Variants in LINGO2 observed in about 807,000 individuals in gnomAD.
LINGO2 encodes leucine rich repeat and Ig domain containing 2.
In LINGO2, 14 loss-of-function variants were observed where a neutral mutation model predicts 30.6. The ratio of observed to expected loss-of-function variants is 0.46; its 90% CI spans 0.30 to 0.72. The LOEUF is 0.72. Ranked by LOEUF, LINGO2 falls within the 30% of genes least tolerant of loss-of-function variation. The probability of loss-of-function intolerance (pLI) is 0.07; values close to 1 mark genes in which losing one functional copy is unlikely to be tolerated. For synonymous variants in LINGO2, 317 were observed against 288.5 expected (o/e 1.10, Z -1.00); for missense variants, 729 against 751.7 (o/e 0.97, Z 0.35).
intron 1 of LINGO2, among the ~76,000 whole-genome samples, chr9:28,482,634 TC>T (rs1826020050): frequency 6.6e-6 from 1 of 152,144 alleles, no homozygotes; most frequent in Admixed American, 6.6e-5. Context: ...TTTAATTAGA[TC>T]CCATTTATCA....
chr9:29,150,828 T>C, the LINGO2 span, among the ~76,000 whole-genome samples: 2 of 152,060 alleles, frequency 1.3e-5, no homozygotes, highest in Non-Finnish European at 2.9e-5. Context: ...GGCACATATA[T>C]GTAAGAATGT....
chr9:28,050,502 TA>T (rs1281554613), intron 4 of LINGO2, among the ~76,000 whole-genome samples: 1 of 150,952 alleles, frequency 6.6e-6, no homozygotes, highest in East Asian at 2.0e-4. Context: ...AGTTCAATGT[TA>T]AAATACTACA....
intron 4 of LINGO2, among the ~76,000 whole-genome samples, chr9:28,201,763 C>G (rs1017998567): frequency 2.6e-5 from 4 of 151,914 alleles, no homozygotes; most frequent in African/African-American, 9.7e-5. Context: ...TCCTTTCCCC[C>G]CACATCCTTT....
At chr9:28,068,037 T>G (rs540220283) in intron 4 of LINGO2, among the ~76,000 whole-genome samples, 1 of 152,238 alleles carries the variant, frequency 6.6e-6, no homozygotes, top group South Asian at 2.1e-4. Context: ...GGGGCATCAA[T>G]TAGTTCTCTG....
chr9:29,185,903 C>A, the LINGO2 span, among the ~76,000 whole-genome samples: 5 of 152,106 alleles, frequency 3.3e-5, no homozygotes, highest in Non-Finnish European at 7.4e-5. Context: ...CCAAAAAAGA[C>A]CACTAGATTA....
At chr9:28,238,756 C>A (rs1238395346) in intron 4 of LINGO2, among the ~76,000 whole-genome samples, 1 of 151,232 alleles carries the variant, frequency 6.6e-6, no homozygotes, top group Non-Finnish European at 1.5e-5. Flanking sequence ...AAGAGCAAAC[C>A]AAATCCAAAA....
At chr9:28,857,201 C>A in the LINGO2 span, among the ~76,000 whole-genome samples, 47 of 151,930 alleles carry the variant, frequency 3.1e-4, no homozygotes, top group South Asian at 8.1e-3. Context: ...AGAATTGAAG[C>A]CCTTGGAACA....
At chr9:28,463,674 A>C (rs1230614708) in intron 2 of LINGO2, among the ~76,000 whole-genome samples, 2 of 152,126 alleles carry the variant, frequency 1.3e-5, no homozygotes, top group African/African-American at 2.4e-5. Flanking sequence ...GTATACAAAA[A>C]TATTCACTTA....
intron 4 of LINGO2, among the ~76,000 whole-genome samples, chr9:28,257,185 G>A (rs567016573): frequency 1.3e-5 from 2 of 151,686 alleles, no homozygotes; most frequent in African/African-American, 4.8e-5. Context: ...TTAGATGACT[G>A]GAAGTAGAAT....
chr9:28,488,868 A>G (rs1277681191), intron 1 of LINGO2, among the ~76,000 whole-genome samples: 2 of 152,188 alleles, frequency 1.3e-5, no homozygotes, highest in African/African-American at 4.8e-5. Flanking sequence ...TGCTGTCATC[A>G]AATTGTGTGA....
chr9:28,237,170 T>C (rs1821603872), intron 4 of LINGO2, among the ~76,000 whole-genome samples: 1 of 151,854 alleles, frequency 6.6e-6, no homozygotes, highest in Non-Finnish European at 1.5e-5. Context: ...TTTTGCATGT[T>C]TGTTTGTTTG....
the LINGO2 span, among the ~76,000 whole-genome samples, chr9:28,756,186 C>T: frequency 3.7e-4 from 56 of 152,016 alleles, 2 homozygotes; most frequent in African/African-American, 1.3e-3. Flanking sequence ...TATCAGCATG[C>T]CCTGGATGTG....
At chr9:28,137,841 G>A (rs1037675827) in intron 4 of LINGO2, among the ~76,000 whole-genome samples, 1 of 152,014 alleles carries the variant, frequency 6.6e-6, no homozygotes, top group African/African-American at 2.4e-5. Context: ...TTAGTTCTAT[G>A]AGGTAAGAGG....
chr9:28,247,530 T>A (rs1206849687), intron 4 of LINGO2, among the ~76,000 whole-genome samples: 2 of 152,022 alleles, frequency 1.3e-5, no homozygotes, highest in African/African-American at 4.8e-5. Context: ...GTTCTCACTC[T>A]TAGGTGGGAG....
chr9:28,310,949 A>G (rs796168967), intron 3 of LINGO2, among the ~76,000 whole-genome samples: 9 of 152,290 alleles, frequency 5.9e-5, no homozygotes, highest in African/African-American at 1.2e-4. Context: ...AATTTTTAAT[A>G]AAGTTCAACA....
the LINGO2 span, among the ~76,000 whole-genome samples, chr9:28,819,635 A>T: frequency 1.3e-5 from 2 of 152,046 alleles, no homozygotes; most frequent in African/African-American, 2.4e-5. Context: ...TGTGTTTTTC[A>T]CTAGACTGCA....
intron 2 of LINGO2, among the ~76,000 whole-genome samples, chr9:28,430,766 T>C (rs1823634579): frequency 1.3e-5 from 2 of 152,106 alleles, no homozygotes; most frequent in Non-Finnish European, 1.5e-5. Flanking sequence ...AGTTTCTATA[T>C]GCCAGGAGCT....
At chr9:28,848,272 C>CTA in the LINGO2 span, among the ~76,000 whole-genome samples, 1 of 89,296 alleles carries the variant, frequency 1.1e-5, no homozygotes, top group African/African-American at 5.9e-5. Context: ...TGTATATATA[C>CTA]TATATATACA....
intron 5 of LINGO2, among the ~76,000 whole-genome samples, chr9:27,952,859 C>T (rs926965746): frequency 4.0e-5 from 6 of 151,790 alleles, no homozygotes; most frequent in African/African-American, 1.2e-4. Flanking sequence ...GTTAGAAACC[C>T]AGGAAGGAAG....
Sources: allele counts gnomAD v4.1 joint callset (sites outside exome capture counted in the v4.1 genomes callset), GRCh38; gene constraint gnomAD v4.1.1; transcripts MANE v1.5; gene names NCBI Gene and HGNC (gene_info 2026-07-23, HGNC 2026-07-21).